Variants in TRANK1 observed in about 807,000 individuals in gnomAD.
TRANK1 encodes TPR and ankyrin repeat-containing protein 1.
A neutral mutation model predicts 266.0 loss-of-function variants in TRANK1; 198 were observed. The ratio of observed to expected loss-of-function variants is 0.74; its 90% CI spans 0.66 to 0.84. The LOEUF (loss-of-function observed/expected upper bound fraction) is 0.84. Ranked by LOEUF, TRANK1 falls within the 40% of genes least tolerant of loss-of-function variation. TRANK1 has a pLI of 0.00. For missense variants in TRANK1, 3,326 were observed against 3,634.6 expected (o/e 0.92, Z 2.18); for synonymous variants, 1,396 against 1,384.1 (o/e 1.01, Z -0.19).
intron 9 of TRANK1, among the ~76,000 whole-genome samples, chr3:36,873,403 T>C (rs1307107488): frequency 1.3e-5 from 2 of 152,330 alleles, no homozygotes; most frequent in South Asian, 4.1e-4. Flanking sequence ...TATATACATG[T>C]TTCATTAAAC....
At chr3:36,840,874 C>A (rs945001484) in intron 18 of TRANK1, among the ~76,000 whole-genome samples, 1 of 152,208 alleles carries the variant, frequency 6.6e-6, no homozygotes, top group African/African-American at 2.4e-5. Context: ...ATCCTTAGAA[C>A]TGTGAGCCAC....
At chr3:36,898,322 C>A (rs1262820355) in intron 4 of TRANK1, among the ~76,000 whole-genome samples, 2 of 151,928 alleles carry the variant, frequency 1.3e-5, no homozygotes, top group Non-Finnish European at 2.9e-5. Context: ...GGGTGGTAGG[C>A]GCCTGTAATC....
At chr3:36,921,839 C>G (rs1265692437) in intron 1 of TRANK1, among the ~76,000 whole-genome samples, 5 of 152,280 alleles carry the variant, frequency 3.3e-5, no homozygotes, top group Non-Finnish European at 5.9e-5. Flanking sequence ...CTTTCTGTTA[C>G]TTGTAACTAA....
At chr3:36,898,168 A>G (rs767752666) in intron 4 of TRANK1, among the ~76,000 whole-genome samples, 10 of 152,232 alleles carry the variant, frequency 6.6e-5, no homozygotes, top group African/African-American at 2.2e-4. Context: ...AAAGTACAGG[A>G]AAGTCCAGGC....
intron 1 of TRANK1, among the ~76,000 whole-genome samples, chr3:36,914,551 A>G (rs2080099585): frequency 6.6e-6 from 1 of 151,392 alleles, no homozygotes; most frequent in African/African-American, 2.4e-5. Context: ...ATTTATGATC[A>G]TGCAACCACA....
Position 36,846,253 on chromosome 3 carries a change from T to C in TRANK1, c.5186A>G (p.Asn1729Ser). ...DFVQVVKTDENKDFDDSMFVK... is the reference protein window; with the variant it reads ...DFVQVVKTDESKDFDDSMFVK... ...GTATTTTAACAGGATCTTACCTTTA[T>C]TTTCATCTGTCTTTACAACTTGGAC... The change falls in exon 17 of 24, where the codon AAT becomes AGT. Residue 1729 changes from asparagine (N) to serine (S), a missense_variant. Transcript: ENST00000645898. The C allele has an allele frequency of 6.3e-7, 1 of 1,587,558 alleles. No homozygotes were observed. Among genetic ancestry groups the C allele is most frequent in the Non-Finnish European group, 8.6e-7 (1 of 1,166,082 alleles).
intron 19 of TRANK1, 45 bp downstream of exon 19, chr3:36,838,567 TG>T: frequency 1.2e-6 from 2 of 1,613,966 alleles, no homozygotes; most frequent in Non-Finnish European, 1.7e-6. Flanking sequence ...ATATTTAACC[TG>T]CTACTCCCAT....
At chr3:36,874,974 TC>T (rs1273948135) in intron 8 of TRANK1, among the ~76,000 whole-genome samples, 1 of 145,816 alleles carries the variant, frequency 6.9e-6, no homozygotes, top group Non-Finnish European at 1.5e-5. Flanking sequence ...AAAATTCACC[TC>T]CTGAGAAGGC....
chr3:36,832,862 C>T lies in TRANK1; in HGVS notation c.6721G>A (p.Val2241Ile), dbSNP rs765906895. Residue 2241 changes from valine to isoleucine, a missense_variant, in exon 22 of 24, where the codon GTA becomes ATA. Val to Ile is a conservative substitution (Grantham distance 29). Transcript: ENST00000645898. Reference protein sequence around the residue: ...INGLLLEAKKVFPKILAEELK... With the variant: ...INGLLLEAKKIFPKILAEELK... The stretch of plus-strand genomic sequence containing the variant: ...TCTTCTGCTAAGATTTTAGGGAATA[C>T]TTTTTTGGCTTCCAAAAGCAACCCG... The T allele has an allele frequency of 8.7e-6, 14 of 1,613,940 alleles. No individual in the cohort carries two copies. The highest frequency in any genetic ancestry group is 3.3e-5 in the South Asian group (3 of 91,082).
intron 5 of TRANK1, among the ~76,000 whole-genome samples, chr3:36,894,192 A>G (rs1246172143): frequency 6.6e-6 from 1 of 152,208 alleles, no homozygotes; most frequent in East Asian, 1.9e-4. Flanking sequence ...ATAATAATCT[A>G]TTAGGAGTTG....
Position 36,830,911 on chromosome 3 carries a change from A to AT in TRANK1, c.8671dup (p.Met2891AsnfsTer53), listed in dbSNP as rs1193564092. On this transcript the variant is annotated frameshift_variant, in exon 22 of 24. Transcript: ENST00000645898. LOFTEE classifies it high-confidence loss of function. ...CTTCCGCCTGTAGAGGTCCTCCACC[A>AT]TATCCGAAACCCTCTTGATGTGCTC... 6.2e-7 allele frequency: 1 copy of AT among 1,613,088 alleles called. No individual in the cohort carries two copies. The highest frequency in any genetic ancestry group is 1.1e-5 in the South Asian group (1 of 91,038).
At chr3:36,867,546 G>T (rs748187724) in intron 9 of TRANK1, among the ~76,000 whole-genome samples, 1 of 152,214 alleles carries the variant, frequency 6.6e-6, no homozygotes, top group African/African-American at 2.4e-5. Flanking sequence ...GGAGGGCTGT[G>T]GGTGACTTGT....
At position 36,871,384 on chromosome 3, in the gene TRANK1, G is replaced by A. The variant is rs139745449; in HGVS notation, c.1078+2742C>T. 6.3e-3 allele frequency among the ~76,000 whole-genome samples: 958 copies of A among 152,178 alleles called. 8 individuals are homozygous for A. Among genetic ancestry groups the A allele is most frequent in the African/African-American group, 0.022 (894 of 41,502 alleles). The stretch of plus-strand genomic sequence containing the variant: ...GCCTGGGTGACAAGAGTGAAACCCC[G>A]TCTCTTAAAAATATATATATCAAAC... On this transcript the variant is annotated intron_variant, in intron 9 of 23. Coordinates refer to ENST00000645898, the MANE Select transcript of TRANK1 (RefSeq NM_001329998.2).
intron 1 of TRANK1, among the ~76,000 whole-genome samples, chr3:36,944,016 T>C (rs971816849): frequency 6.6e-6 from 1 of 152,198 alleles, no homozygotes; most frequent in South Asian, 2.1e-4. Flanking sequence ...AGATGGGCTC[T>C]ATCTCAGCCG....
intron 1 of TRANK1, among the ~76,000 whole-genome samples, chr3:36,925,011 G>A (rs2080268921): frequency 6.6e-6 from 1 of 152,142 alleles, no homozygotes; most frequent in Non-Finnish European, 1.5e-5. Flanking sequence ...TCTCCCTGAT[G>A]GGAGAGAAAC....
intron 7 of TRANK1, among the ~76,000 whole-genome samples, chr3:36,891,244 G>T (rs143967095): frequency 1.3e-5 from 2 of 152,114 alleles, no homozygotes; most frequent in Non-Finnish European, 2.9e-5. Flanking sequence ...GGGGGCTGAC[G>T]CAGGGGAATC....
rs1559449304 is a variant in TRANK1, at chr3:36,879,905, A to AATAT, written c.908-5610_908-5609insATAT. Among the ~76,000 whole-genome samples, 56 of 75,612 alleles carry AATAT rather than the reference A, an allele frequency of 7.4e-4. 1 individual carries two copies. Among genetic ancestry groups the AATAT allele is most frequent in the Admixed American group, 9.9e-4 (6 of 6,076 alleles). 49.6% of individuals were successfully genotyped at this position (75,612 alleles called of 152,430 possible). ...ATATGTAAACATGCAAATATATGTA[A>AATAT]ACATGCAAATATATGTAAACATGCA... On this transcript the variant is annotated intron_variant, in intron 8 of 23. Coordinates refer to ENST00000645898, the MANE Select transcript of TRANK1 (RefSeq NM_001329998.2).
intron 8 of TRANK1, among the ~76,000 whole-genome samples, chr3:36,886,822 C>A (rs1391315465): frequency 6.6e-6 from 1 of 151,404 alleles, no homozygotes; most frequent in African/African-American, 2.4e-5. Context: ...TGAGGTAGAT[C>A]TTGAAAGCTA....
chr3:36,869,930 T>C (rs2079281715), intron 9 of TRANK1, among the ~76,000 whole-genome samples: 1 of 152,148 alleles, frequency 6.6e-6, no homozygotes, highest in Non-Finnish European at 1.5e-5. Context: ...TCTAGAAAGA[T>C]CCCCCAGCCC....
Sources: gnomAD v4.1 joint callset for allele counts (sites outside exome capture counted in the v4.1 genomes callset) on GRCh38, gnomAD v4.1.1 for gene constraint, MANE v1.5 for transcripts, NCBI Gene and HGNC (gene_info 2026-07-23, HGNC 2026-07-21) for gene names.